SMCO4: variants seen among roughly 807,000 people sequenced by gnomAD.
SMCO4 encodes single-pass membrane protein with coiled-coil domains 4.
In SMCO4, 4 loss-of-function variants were observed where a neutral mutation model predicts 3.6. The observed-to-expected ratio is 1.11, with a 90% CI of 0.54 to 2.53. The LOEUF is 2.53. SMCO4 is among the 30% of genes most tolerant of loss of function. The probability of loss-of-function intolerance (pLI) is 0.02; values close to 1 mark genes in which losing one functional copy is unlikely to be tolerated. For missense variants in SMCO4, 70 were observed against 80.8 expected (o/e 0.87, Z 0.51); for synonymous variants, 36 against 35.3 (o/e 1.02, Z -0.07).
intron 1 of SMCO4, among the ~76,000 whole-genome samples, chr11:93,518,098 C>T (rs369249791): frequency 1.3e-5 from 2 of 150,968 alleles, no homozygotes; most frequent in Admixed American, 6.6e-5. Flanking sequence ...GCAGTCGATC[C>T]ACACAACCTC....
rs74937610 is a variant in SMCO4 at position 93,481,506 on chromosome 11, G to A, written c.-80-2237C>T. Reference sequence around the variant, plus strand: ...TTGGCACAGAGCGGGCGGCGAATTCGTGCTAGCTGACATACCAACACCTGG... The same window carrying A: ...TTGGCACAGAGCGGGCGGCGAATTCATGCTAGCTGACATACCAACACCTGG... On this transcript the variant is annotated intron_variant, in intron 2 of 2. Transcript: ENST00000298966. The A allele has an allele frequency of 1.5e-3, 1,489 of 985,358 alleles. 18 individuals carry two copies. In the African/African-American group the frequency reaches 0.024, roughly 16 times the overall value. The allele number at this position is 985,358 out of a possible 1,614,324, so 61.0% of individuals were successfully genotyped here.
intron 1 of SMCO4, among the ~76,000 whole-genome samples, chr11:93,527,895 C>G (rs1484302011): frequency 6.6e-6 from 1 of 152,176 alleles, no homozygotes; most frequent in African/African-American, 2.4e-5. Context: ...CCCAACTCAG[C>G]CTCCTGAGTA....
intron 1 of SMCO4, among the ~76,000 whole-genome samples, chr11:93,531,956 G>T (rs373302172): frequency 1.2e-3 from 187 of 152,246 alleles, no homozygotes; most frequent in African/African-American, 4.3e-3. Context: ...GCCCCATTTC[G>T]AGTTGTCCCA....
intron 2 of SMCO4, among the ~76,000 whole-genome samples, chr11:93,490,820 G>A (rs1344208245): frequency 6.6e-6 from 1 of 152,180 alleles, no homozygotes; most frequent in Non-Finnish European, 1.5e-5. Context: ...ACTGCCTTTG[G>A]GGCAGGGAAC....
At chr11:93,549,033 TG>T in the SMCO4 span, among the ~76,000 whole-genome samples, 2 of 152,210 alleles carry the variant, frequency 1.3e-5, no homozygotes, top group Non-Finnish European at 2.9e-5. Flanking sequence ...CGTAGAAAGT[TG>T]GGGTTTTTCC....
At chr11:93,510,851 C>A (rs1948950267) in intron 1 of SMCO4, among the ~76,000 whole-genome samples, 1 of 152,184 alleles carries the variant, frequency 6.6e-6, no homozygotes, top group Non-Finnish European at 1.5e-5. Flanking sequence ...GTAATCCAAG[C>A]ACTTTGGGAT....
intron 2 of SMCO4, among the ~76,000 whole-genome samples, chr11:93,480,648 T>C (rs1948581344): frequency 6.6e-6 from 1 of 152,190 alleles, no homozygotes; most frequent in Non-Finnish European, 1.5e-5. Context: ...CCAATGTTCC[T>C]CTAGCAGAGG....
At chr11:93,501,415 G>A (rs1481433901) in intron 1 of SMCO4, among the ~76,000 whole-genome samples, 2 of 152,186 alleles carry the variant, frequency 1.3e-5, no homozygotes, top group African/African-American at 4.8e-5. Flanking sequence ...GCAATGCCAT[G>A]CTCCCTCTAG....
At chr11:93,550,439 C>T in the SMCO4 span, among the ~76,000 whole-genome samples, 1 of 152,044 alleles carries the variant, frequency 6.6e-6, no homozygotes, top group Non-Finnish European at 1.5e-5. Context: ...GTAGGAGGAC[C>T]GCTTGAGCTC....
At chr11:93,497,369 TTACTC>T (rs1379219060) in intron 2 of SMCO4, among the ~76,000 whole-genome samples, 1 of 152,218 alleles carries the variant, frequency 6.6e-6, no homozygotes, top group Non-Finnish European at 1.5e-5. Flanking sequence ...GTCTTCCAGT[TTACTC>T]AGAGTAAGAC....
At chr11:93,498,126 C>A (rs947800344) in intron 2 of SMCO4, among the ~76,000 whole-genome samples, 2 of 152,148 alleles carry the variant, frequency 1.3e-5, no homozygotes, top group African/African-American at 4.8e-5. Flanking sequence ...ACGTCAAACC[C>A]AGACAACAAT....
At chr11:93,490,859 G>A (rs1207408046) in intron 2 of SMCO4, among the ~76,000 whole-genome samples, 4 of 152,222 alleles carry the variant, frequency 2.6e-5, no homozygotes, top group Non-Finnish European at 5.9e-5. Flanking sequence ...ACCAAGCAGG[G>A]TCTGAAAGAC....
chr11:93,552,216 G>A, the SMCO4 span, among the ~76,000 whole-genome samples: 1 of 146,396 alleles, frequency 6.8e-6, no homozygotes, highest in Non-Finnish European at 1.5e-5. Flanking sequence ...AAGTGCAGTG[G>A]CACAATCTCG....
chr11:93,482,348 A>AT (rs1948601710), intron 2 of SMCO4, among the ~76,000 whole-genome samples: 2 of 152,220 alleles, frequency 1.3e-5, no homozygotes, highest in Admixed American at 6.5e-5. Context: ...CAAGAAGCGC[A>AT]TTGAGTGCTC....
chr11:93,543,532 C>G (rs575956220), upstream of SMCO4: 1 of 153,088 alleles, frequency 6.5e-6, no homozygotes, highest in African/African-American at 2.4e-5. Context: ...ACTGTCGCTT[C>G]CGAGCGACCT....
intron 1 of SMCO4, among the ~76,000 whole-genome samples, chr11:93,514,008 G>C (rs1948982206): frequency 6.6e-6 from 1 of 152,250 alleles, no homozygotes; most frequent in Admixed American, 6.5e-5. Context: ...GGACCACCTG[G>C]TTTCATCAAT....
chr11:93,539,973 G>A (rs950752529), intron 1 of SMCO4, among the ~76,000 whole-genome samples: 2 of 150,030 alleles, frequency 1.3e-5, no homozygotes, highest in African/African-American at 4.9e-5. Context: ...AAAAAAAAAA[G>A]GAGGAAGGCC....
At chr11:93,486,530 C>T (rs1346221221) in intron 2 of SMCO4, among the ~76,000 whole-genome samples, 6 of 152,224 alleles carry the variant, frequency 3.9e-5, no homozygotes, top group Admixed American at 1.3e-4. Flanking sequence ...TGCCGCTACA[C>T]GCTGGCTGGG....
chr11:93,535,778 A>G, intron 1 of SMCO4: 1 of 1,591,508 alleles, frequency 6.3e-7, no homozygotes, highest in Non-Finnish European at 8.5e-7. Flanking sequence ...AACAAAACTA[A>G]GAAGACCAAA....
Sources: allele counts gnomAD v4.1 joint callset (sites outside exome capture counted in the v4.1 genomes callset), GRCh38; gene constraint gnomAD v4.1.1; transcripts MANE v1.5; gene names NCBI Gene and HGNC (gene_info 2026-07-23, HGNC 2026-07-21).